ARSG: variants seen among roughly 807,000 people sequenced by gnomAD.
ARSG encodes the protein arylsulfatase G.
A neutral mutation model predicts 50.5 loss-of-function variants in ARSG; 37 were observed. The observed-to-expected ratio is 0.73, with a 90% CI of 0.56 to 0.96. The LOEUF (loss-of-function observed/expected upper bound fraction) is 0.96. Among genes scored for constraint, ARSG ranks in the 50% least tolerant of loss-of-function variants. The probability of loss-of-function intolerance (pLI) is 0.00; values close to 1 mark genes in which losing one functional copy is unlikely to be tolerated. For missense variants in ARSG, 629 were observed against 675.3 expected, an observed-to-expected ratio of 0.93 and a Z score of 0.76; for synonymous variants, 225 against 254.6, an observed-to-expected ratio of 0.88 and a Z score of 1.11.
At chr17:68,340,446 G>A (rs1312595478) in intron 2 of ARSG, among the ~76,000 whole-genome samples, 11 of 151,946 alleles carry the variant, frequency 7.2e-5, no homozygotes, top group Admixed American at 6.6e-4. Context: ...CACCATGTCC[G>A]GCTATTTTTT....
intron 2 of ARSG, among the ~76,000 whole-genome samples, chr17:68,331,974 A>G (rs1417058072): frequency 1.3e-5 from 2 of 152,216 alleles, no homozygotes; most frequent in Non-Finnish European, 2.9e-5. Context: ...TAGAATTGCT[A>G]ATGAAGTTTC....
intron 9 of ARSG, among the ~76,000 whole-genome samples, chr17:68,385,761 C>T (rs761289229): frequency 3.9e-5 from 6 of 152,044 alleles, no homozygotes; most frequent in Non-Finnish European, 7.4e-5. Context: ...CCAAGCTGAC[C>T]GAGGCAATAG....
At position 68,399,562 on chromosome 17, in the gene ARSG, A is replaced by G. The variant is rs1337265259; in HGVS notation, c.1213-1798A>G. Among the ~76,000 whole-genome samples, 1 of 152,224 alleles carries G rather than the reference A, an allele frequency of 6.6e-6. No homozygotes were observed. Among genetic ancestry groups the G allele is most frequent in the African/African-American group, 2.4e-5 (1 of 41,452 alleles). On this transcript the variant is annotated intron_variant, in intron 10 of 11. Transcript: ENST00000621439. This position sits in a 1 kb window ranked among gnomAD's most constrained non-coding sequence, Gnocchi z 4.6. ...CTATATTGATATAAACAAGAAAGCC[A>G]TAATGGGTCTTCTCAAACAAACAAA... is the stretch of plus-strand genomic sequence containing the variant.
At chr17:68,426,253 G>GGGGGGA, downstream of ARSG, 3 of 841,018 alleles carry the variant, frequency 3.6e-6, no homozygotes, top group Non-Finnish European at 3.8e-6. Flanking sequence ...GGGGAGCGGG[G>GGGGGGA]GCTCAAATAA....
At chr17:68,303,249 C>T (rs1049745148) in intron 1 of ARSG, among the ~76,000 whole-genome samples, 7 of 152,000 alleles carry the variant, frequency 4.6e-5, no homozygotes, top group Non-Finnish European at 1.0e-4. Context: ...CTCAGTTTCC[C>T]AAGTATCTGG....
chr17:68,297,969 C>CTTTTTT (rs56199177), intron 1 of ARSG, among the ~76,000 whole-genome samples: 1 of 132,064 alleles, frequency 7.6e-6, no homozygotes, highest in Non-Finnish European at 1.6e-5. Flanking sequence ...TACTGTGACT[C>CTTTTTT]TTTTTTTTTT....
rs544147049 is a variant in ARSG at position 68,262,129 on chromosome 17, G to A, written c.-552+2703G>A. On this transcript the variant is annotated intron_variant, in intron 1 of 11. Transcript: ENST00000448504. ...CGAGATTGTGCCATTGCACTCCAGC[G>A]TGGGTGACAAGAGCAAAACTCCATC... Among the ~76,000 whole-genome samples the A allele has an allele frequency of 7.6e-5, 11 of 144,046 alleles. No homozygotes were observed. The East Asian group carries it at 1.7e-3, about 22-fold the overall frequency. The allele number at this position is 144,046 out of a possible 152,430, so 94.5% of individuals were successfully genotyped here.
At chr17:68,308,083 C>T (rs1764334264) in intron 2 of ARSG, among the ~76,000 whole-genome samples, 1 of 152,100 alleles carries the variant, frequency 6.6e-6, no homozygotes, top group African/African-American at 2.4e-5. Flanking sequence ...GTGGGAGGTT[C>T]ACCTGAGCCC....
chr17:68,264,446 CTT>C (rs531424299), intron 1 of ARSG, among the ~76,000 whole-genome samples: 68 of 148,834 alleles, frequency 4.6e-4, no homozygotes, highest in Admixed American at 4.0e-3. Flanking sequence ...GGTCTCAACT[CTT>C]TTTTTTTTGA....
intron 2 of ARSG, among the ~76,000 whole-genome samples, chr17:68,313,583 T>C (rs2076948423): frequency 6.6e-6 from 1 of 151,970 alleles, no homozygotes; most frequent in Admixed American, 6.6e-5. Context: ...AGACGCTATC[T>C]CCAAATAAGG....
chr17:68,409,336 A>C (rs1439066556), intron 11 of ARSG, among the ~76,000 whole-genome samples: 1 of 150,246 alleles, frequency 6.7e-6, no homozygotes, highest in Non-Finnish European at 1.5e-5. Flanking sequence ...AGCTTTCTAC[A>C]TATGGCTAGC....
intron 1 of ARSG, among the ~76,000 whole-genome samples, chr17:68,298,309 TACC>T (rs1555759264): frequency 1.6e-4 from 25 of 152,032 alleles, no homozygotes; most frequent in African/African-American, 6.0e-4. Context: ...CATAATAAAA[TACC>T]ATGGACTAGG....
intron 1 of ARSG, among the ~76,000 whole-genome samples, chr17:68,294,615 C>T (rs139084751): frequency 6.6e-6 from 1 of 152,294 alleles, no homozygotes; most frequent in East Asian, 1.9e-4. Flanking sequence ...CCCACCCACC[C>T]TTCCATTCTT....
intron 2 of ARSG, among the ~76,000 whole-genome samples, chr17:68,313,268 A>G (rs1431693419): frequency 1.3e-5 from 2 of 152,118 alleles, no homozygotes; most frequent in African/African-American, 4.8e-5. Context: ...CTCAAAAAAA[A>G]CAAAAATAAA....
the ARSG span, chr17:68,436,290 G>T: frequency 8.6e-7 from 1 of 1,160,430 alleles, no homozygotes; most frequent in Non-Finnish European, 1.3e-6. Flanking sequence ...ACCGCCTCCA[G>T]CCCCCGACGG....
chr17:68,368,475 G>A (rs2079656203), intron 6 of ARSG, 73 bp from the exon 7 acceptor site: 1 of 1,421,752 alleles, frequency 7.0e-7, no homozygotes, highest in Non-Finnish European at 9.9e-7. Flanking sequence ...CTGGAGGAGA[G>A]GGAGGATCCC....
At chr17:68,350,311 C>T (rs533184416) in intron 4 of ARSG, among the ~76,000 whole-genome samples, 1 of 152,282 alleles carries the variant, frequency 6.6e-6, no homozygotes, top group African/African-American at 2.4e-5. Flanking sequence ...ACAGCTCTCC[C>T]TACTCCTGGG....
intron 1 of ARSG, among the ~76,000 whole-genome samples, chr17:68,274,866 C>T (rs2075461174): frequency 6.7e-6 from 1 of 150,122 alleles, no homozygotes; most frequent in African/African-American, 2.5e-5. Context: ...CTGCAACCTC[C>T]ACCTCCTGGG....
intron 1 of ARSG, among the ~76,000 whole-genome samples, chr17:68,276,547 C>G (rs1555751017): frequency 2.0e-5 from 3 of 152,134 alleles, no homozygotes; most frequent in African/African-American, 7.2e-5. Context: ...CTCCCAGGCT[C>G]AAGCAATTCT....
Sources: gnomAD v4.1 joint callset for allele counts (sites outside exome capture counted in the v4.1 genomes callset) on GRCh38, gnomAD v4.1.1 for gene constraint, Gnocchi (gnomAD v3.1) non-coding constraint, MANE v1.5 for transcripts, NCBI Gene and HGNC (gene_info 2026-07-23, HGNC 2026-07-21) for gene names.